Variants in JARID2 observed in about 807,000 individuals in gnomAD.
JARID2 encodes jumonji and AT-rich interaction domain containing 2, also known as protein Jumonji.
JARID2 carries 21 observed loss-of-function variants against 125.6 expected under a neutral mutation model. That is an observed-to-expected ratio of 0.17 (90% CI 0.12 to 0.24). The LOEUF is 0.24. Among genes scored for constraint, JARID2 ranks in the 10% least tolerant of loss-of-function variants. The probability of loss-of-function intolerance (pLI) is 1.00; values close to 1 mark genes in which losing one functional copy is unlikely to be tolerated. For missense variants in JARID2, 1,303 were observed against 1,639.6 expected, an observed-to-expected ratio of 0.79 and a Z score of 3.55; for synonymous variants, 736 against 661.6, an observed-to-expected ratio of 1.11 and a Z score of -1.73.
Position 15,501,318 on chromosome 6 carries a change from G to A in JARID2, c.2357G>A (p.Arg786Gln), listed in dbSNP as rs1371432770. The change falls in exon 8 of 18, where the codon CGG becomes CAG. Residue 786 changes from arginine to glutamine, a missense_variant. Arg to Gln is a conservative substitution (Grantham distance 43). Coordinates refer to ENST00000341776, the MANE Select transcript of JARID2 (RefSeq NM_004973.4). ...EVGQAQLKTG[R>Q]RRLFAQEKEV... is the part of the protein sequence containing the mutation. Reference sequence around the variant, plus strand: ...GGCCAGGCCCAGTTGAAGACTGGCCGGCGGCGACTCTTCGCTCAGGAAAAA... The same window carrying A: ...GGCCAGGCCCAGTTGAAGACTGGCCAGCGGCGACTCTTCGCTCAGGAAAAA... The A allele has an allele frequency of 7.5e-6, 12 of 1,609,544 alleles. No individual in the cohort carries two copies. Among genetic ancestry groups the A allele is most frequent in the South Asian group, 4.4e-5 (4 of 90,846 alleles).
chr6:15,437,276 G>A (rs1046212251), intron 3 of JARID2, among the ~76,000 whole-genome samples: 13 of 152,130 alleles, frequency 8.5e-5, no homozygotes, highest in African/African-American at 2.7e-4. Flanking sequence ...GGATTATGTC[G>A]CACTTCATGA....
chr6:15,369,073 C>CA (rs1764074276), intron 1 of JARID2, among the ~76,000 whole-genome samples: 1 of 151,858 alleles, frequency 6.6e-6, no homozygotes, highest in Non-Finnish European at 1.5e-5. Context: ...AGAGTTGTTA[C>CA]ATGGTGTTGT....
chr6:15,422,967 T>C (rs1389384285), intron 3 of JARID2, among the ~76,000 whole-genome samples: 2 of 151,746 alleles, frequency 1.3e-5, no homozygotes, highest in Admixed American at 6.6e-5. Flanking sequence ...CTATCAAGGC[T>C]TACAGGTGTA....
intron 3 of JARID2, among the ~76,000 whole-genome samples, chr6:15,426,847 A>G (rs973019641): frequency 3.9e-5 from 6 of 152,192 alleles, no homozygotes; most frequent in African/African-American, 1.2e-4. Flanking sequence ...TATGGTTTTG[A>G]TCAAAAGGCT....
intron 2 of JARID2, among the ~76,000 whole-genome samples, chr6:15,375,530 A>G (rs1353927018): frequency 6.6e-6 from 1 of 152,234 alleles, no homozygotes; most frequent in East Asian, 1.9e-4. Flanking sequence ...ATAGAATCCA[A>G]TTTAGACCCT....
chr6:15,442,634 C>G (rs913790814), intron 3 of JARID2, among the ~76,000 whole-genome samples: 1 of 152,178 alleles, frequency 6.6e-6, no homozygotes, highest in African/African-American at 2.4e-5. Flanking sequence ...GATGGCGGCG[C>G]AGACAGCCTT....
In JARID2 at chr6:15,496,983, G is replaced by A; in HGVS notation, c.1758G>A (p.Met586Ile). The change falls in exon 7 of 18, where the codon ATG becomes ATA. Residue 586 changes from methionine to isoleucine, a missense_variant. By Grantham distance (10) the Met-to-Ile change is conservative. Coordinates refer to ENST00000341776, the MANE Select transcript of JARID2 (RefSeq NM_004973.4). ...SVRAQVEKFG[M>I]CRVIPPPDWR... ...GCGCTCAGGTGGAGAAGTTCGGGAT[G>A]TGCAGGGTGATCCCCCCTCCGGACT... 1 of 1,614,008 alleles carries A rather than the reference G, an allele frequency of 6.2e-7. No individual in the cohort carries two copies. The highest frequency in any genetic ancestry group is 1.1e-5 in the South Asian group (1 of 91,034).
In JARID2 at chr6:15,501,951, G is replaced by A. The variant is rs1318865821; in HGVS notation, c.2448+542G>A. Among the ~76,000 whole-genome samples the A allele has an allele frequency of 2.0e-5, 3 of 152,168 alleles. No individual in the cohort carries two copies. The East Asian group carries it at 5.8e-4, about 29-fold the overall frequency. On this transcript the variant is annotated intron_variant, in intron 8 of 17. Transcript: ENST00000341776. ...AGCTGAACTTCTCACTGGCTGGACC[G>A]TCAGTGGACTCTGTGCGCTTGTTTT...
At chr6:15,439,740 A>T (rs1487147424) in intron 3 of JARID2, among the ~76,000 whole-genome samples, 3 of 151,296 alleles carry the variant, frequency 2.0e-5, no homozygotes, top group African/African-American at 7.3e-5. Context: ...AGAAATTGTC[A>T]TGGAGTTAAA....
At chr6:15,449,810 A>G (rs1767836449) in intron 3 of JARID2, among the ~76,000 whole-genome samples, 1 of 152,194 alleles carries the variant, frequency 6.6e-6, no homozygotes, top group Non-Finnish European at 1.5e-5. Context: ...TATCAGGAAT[A>G]TTATTAGACG....
chr6:15,370,317 T>G (rs564005943), intron 1 of JARID2, among the ~76,000 whole-genome samples: 271 of 145,738 alleles, frequency 1.9e-3, no homozygotes, highest in Middle Eastern at 7.0e-3. Context: ...AATGATAGAG[T>G]TGTATCTGGG....
chr6:15,283,486 A>G (rs557552032), intron 1 of JARID2, among the ~76,000 whole-genome samples: 15 of 130,880 alleles, frequency 1.1e-4, no homozygotes, highest in East Asian at 7.2e-4. Context: ...GACTACAGGC[A>G]TGCACCAGCT....
intron 1 of JARID2, among the ~76,000 whole-genome samples, chr6:15,349,517 GT>G (rs1410925261): frequency 1.3e-5 from 2 of 152,174 alleles, no homozygotes; most frequent in African/African-American, 4.8e-5. Context: ...AAAGTGCACT[GT>G]TTTAGAAGTG....
intron 5 of JARID2, among the ~76,000 whole-genome samples, chr6:15,473,319 A>G (rs1277010065): frequency 1.3e-5 from 2 of 152,198 alleles, no homozygotes; most frequent in Admixed American, 1.3e-4. Context: ...GAACACGGCA[A>G]TAGGATCTAC....
At chr6:15,479,152 G>C (rs1769492489) in intron 5 of JARID2, among the ~76,000 whole-genome samples, 1 of 152,152 alleles carries the variant, frequency 6.6e-6, no homozygotes, top group African/African-American at 2.4e-5. Context: ...TTGTCCAGCT[G>C]TTCCTCCCTT....
intron 1 of JARID2, among the ~76,000 whole-genome samples, chr6:15,332,614 C>T (rs1364044318): frequency 6.6e-6 from 1 of 152,168 alleles, no homozygotes; most frequent in African/African-American, 2.4e-5. Flanking sequence ...AATTGGCTTG[C>T]AGCTGTGGTG....
chr6:15,482,713 C>G lies in JARID2; in HGVS notation c.671-4594C>G, dbSNP rs529117154. On this transcript the variant is annotated intron_variant, in intron 5 of 17. Coordinates refer to ENST00000341776, the MANE Select transcript of JARID2 (RefSeq NM_004973.4). The stretch of plus-strand genomic sequence containing the variant: ...GGGAAACGGTCTTTGTAGATGATTT[C>G]AGTACTTGATAGGATAGTAGGCTCT... Among the ~76,000 whole-genome samples, 423 of 152,278 alleles carry G rather than the reference C, an allele frequency of 2.8e-3. 3 individuals are homozygous for G. The highest frequency in any genetic ancestry group is 9.7e-3 in the African/African-American group (403 of 41,552).
intron 3 of JARID2, among the ~76,000 whole-genome samples, chr6:15,413,017 T>G (rs946788307): frequency 3.2e-5 from 3 of 92,652 alleles, no homozygotes; most frequent in Non-Finnish European, 7.2e-5. Flanking sequence ...TGTTTTTTTT[T>G]TTTTTGTTTT....
intron 2 of JARID2, chr6:15,400,818 A>G (rs1296541533): frequency 7.9e-7 from 1 of 1,261,780 alleles, no homozygotes; most frequent in East Asian, 5.7e-5. Context: ...CGGAATCTGC[A>G]CTGCCGCTTG....
Sources: gnomAD v4.1 joint callset for allele counts (sites outside exome capture counted in the v4.1 genomes callset) on GRCh38, gnomAD v4.1.1 for gene constraint, MANE v1.5 for transcripts, NCBI Gene and HGNC (gene_info 2026-07-23, HGNC 2026-07-21) for gene names.